GLRX3: variants seen among roughly 807,000 people sequenced by gnomAD.
GLRX3 encodes glutaredoxin 3.
A neutral mutation model predicts 49.5 loss-of-function variants in GLRX3; 22 were observed. The observed-to-expected ratio is 0.44, with a 90% CI of 0.32 to 0.63. The LOEUF is 0.63. GLRX3 is among the 30% of genes least tolerant of loss of function. GLRX3 has a pLI of 0.05. For synonymous variants in GLRX3, 133 were observed against 140.0 expected (o/e 0.95, Z 0.35); for missense variants, 385 against 396.3 (o/e 0.97, Z 0.24).
intron 4 of GLRX3, among the ~76,000 whole-genome samples, chr10:130,161,261 A>T (rs1262814584): frequency 6.6e-6 from 1 of 152,200 alleles, no homozygotes; most frequent in Non-Finnish European, 1.5e-5. Context: ...AAGTCCTCAG[A>T]CTCAAAGATA....
At chr10:130,146,419 C>G (rs553717924) in intron 2 of GLRX3, among the ~76,000 whole-genome samples, 2 of 152,308 alleles carry the variant, frequency 1.3e-5, no homozygotes, top group South Asian at 2.1e-4. Flanking sequence ...GGAAGCCAGT[C>G]AGTCTCTTCC....
At chr10:130,156,245 G>A (rs571312656) in intron 2 of GLRX3, among the ~76,000 whole-genome samples, 45 of 152,310 alleles carry the variant, frequency 3.0e-4, no homozygotes, top group Middle Eastern at 3.4e-3. Context: ...CCTTGTTGCC[G>A]TGTCCTCACT....
intron 8 of GLRX3, 26 bp from the exon 9 acceptor site, chr10:130,174,841 G>A (rs1862883396): frequency 2.7e-6 from 4 of 1,469,384 alleles, no homozygotes; most frequent in Non-Finnish European, 3.8e-6. Context: ...TGTATTTCCA[G>A]TTAAAATGTC....
At position 130,157,735 on chromosome 10, in the gene GLRX3, T is replaced by C. The variant is rs1590065345; in HGVS notation, c.202-2260T>C. 3.3e-5 allele frequency among the ~76,000 whole-genome samples: 5 copies of C among 152,062 alleles called. No homozygotes were observed. In the South Asian group the frequency reaches 1.0e-3, roughly 32 times the overall value. ...GATAACATGCTAAAATTTCGCACCT[T>C]TCAAAATTGTCTGTAGGCTAGGCTG... On this transcript the variant is annotated intron_variant, in intron 2 of 10. Transcript: ENST00000331244.
Position 130,171,957 on chromosome 10 carries a change from C to T in GLRX3, c.824+321C>T, listed in dbSNP as rs554638156. Among the ~76,000 whole-genome samples, 100 of 152,072 alleles carry T rather than the reference C, an allele frequency of 6.6e-4. No individual in the cohort carries two copies. In the Middle Eastern group the frequency reaches 0.041, roughly 62 times the overall value. Reference sequence around the variant, plus strand: ...CTCAGCCTGGGTGACAGAGCAAGACCCTGTCTCAAAAAAAAGAAAAAAATA... The same window carrying T: ...CTCAGCCTGGGTGACAGAGCAAGACTCTGTCTCAAAAAAAAGAAAAAAATA... On this transcript the variant is annotated intron_variant, in intron 8 of 10. Coordinates refer to ENST00000331244, the MANE Select transcript of GLRX3 (RefSeq NM_006541.5).
intron 4 of GLRX3, among the ~76,000 whole-genome samples, chr10:130,164,122 A>T (rs1862636084): frequency 6.6e-6 from 1 of 152,162 alleles, no homozygotes; most frequent in African/African-American, 2.4e-5. Context: ...TCATGTCTCC[A>T]TCTTCTTATC....
At chr10:130,171,691 C>A (rs1413250709) in intron 8 of GLRX3, 55 bp downstream of exon 8, 2 of 926,580 alleles carry the variant, frequency 2.2e-6, no homozygotes, top group African/African-American at 1.6e-5. Context: ...CCTGGCCAGG[C>A]GTAGTGGCTC....
At chr10:130,174,672 A>G (rs914621885) in intron 8 of GLRX3, among the ~76,000 whole-genome samples, 195 bp from the exon 9 acceptor site, 2 of 152,250 alleles carry the variant, frequency 1.3e-5, no homozygotes, top group Non-Finnish European at 2.9e-5. Context: ...AAATCCAGAT[A>G]AAGTCATATG....
intron 1 of GLRX3, among the ~76,000 whole-genome samples, chr10:130,139,918 G>T (rs1473859704): frequency 6.6e-6 from 1 of 152,174 alleles, no homozygotes; most frequent in African/African-American, 2.4e-5. Flanking sequence ...GACAGAGTGA[G>T]ACCCTGTCTC....
intron 2 of GLRX3, among the ~76,000 whole-genome samples, chr10:130,149,169 C>T (rs147158023): frequency 3.2e-4 from 49 of 152,224 alleles, no homozygotes; most frequent in African/African-American, 9.9e-4. Flanking sequence ...TTCTGGGCTC[C>T]GTCCTGAGTT....
intron 2 of GLRX3, among the ~76,000 whole-genome samples, chr10:130,152,139 C>T (rs1291560178): frequency 4.6e-5 from 7 of 152,076 alleles, no homozygotes; most frequent in African/African-American, 1.7e-4. Flanking sequence ...CTGCCTCAGC[C>T]TCCTGAGTAG....
At chr10:130,172,787 C>G (rs952882009) in intron 8 of GLRX3, among the ~76,000 whole-genome samples, 4 of 152,076 alleles carry the variant, frequency 2.6e-5, no homozygotes, top group East Asian at 1.9e-4. Flanking sequence ...ACTAAAAATA[C>G]AAAAATTAGC....
intron 2 of GLRX3, among the ~76,000 whole-genome samples, chr10:130,145,537 C>CT (rs1310982855): frequency 2.6e-5 from 4 of 152,010 alleles, no homozygotes; most frequent in African/African-American, 9.7e-5. Context: ...TGGCGGGTGC[C>CT]TATAATCCCA....
At chr10:130,160,119 G>T (rs1460783358) in intron 3 of GLRX3, 50 bp downstream of exon 3, 1 of 1,093,148 alleles carries the variant, frequency 9.1e-7, no homozygotes, top group Non-Finnish European at 1.4e-6. Context: ...GGTGCCATGG[G>T]GCTACCTATT....
intron 10 of GLRX3, among the ~76,000 whole-genome samples, chr10:130,176,792 CTA>C (rs371839893): frequency 0.19 from 24,981 of 130,668 alleles, 2,584 homozygotes; most frequent in South Asian, 0.25. Context: ...CTCTCTCTCT[CTA>C]TATATATATA....
intron 2 of GLRX3, 72 bp downstream of exon 2, chr10:130,145,391 G>C: frequency 1.3e-6 from 1 of 761,060 alleles, no homozygotes; most frequent in East Asian, 2.5e-5. Flanking sequence ...GGCTGGGTGC[G>C]GTAGCTCACA....
At position 130,160,835 on chromosome 10, in the gene GLRX3, C is replaced by G. The variant is rs1173212006; in HGVS notation, c.316C>G (p.Pro106Ala). 1 of 1,609,568 alleles carries G rather than the reference C, an allele frequency of 6.2e-7. No homozygotes were observed. Residue 106 changes from proline (P) to alanine (A), a missense_variant, in exon 4 of 11, where the codon CCA (proline) becomes GCA (alanine). Pro to Ala is a conservative substitution (Grantham distance 27, BLOSUM62 -1). Transcript: ENST00000331244. ...CGACCGATTAGATGGTGCACATGCC[C>G]CAGAGTTGACCAAAAAAGTTCAGCG... The part of the protein sequence containing the change: ...KIDRLDGAHA[P>A]ELTKKVQRHA...
chr10:130,180,109 T>C (rs1168378304), downstream of GLRX3: 2 of 151,830 alleles, frequency 1.3e-5, no homozygotes, highest in Non-Finnish European at 1.5e-5. Context: ...TTTTTTTTTT[T>C]CAGACGGGGT....
intron 8 of GLRX3, among the ~76,000 whole-genome samples, chr10:130,174,563 G>A (rs1862877424): frequency 1.3e-5 from 2 of 152,250 alleles, no homozygotes; most frequent in Admixed American, 1.3e-4. Context: ...AGCAGTTGCA[G>A]CAGAGACTGT....
Sources: gnomAD v4.1 joint callset for allele counts (sites outside exome capture counted in the v4.1 genomes callset) on GRCh38, gnomAD v4.1.1 for gene constraint, MANE v1.5 for transcripts, NCBI Gene and HGNC (gene_info 2026-07-23, HGNC 2026-07-21) for gene names.